RERE: variants seen among roughly 807,000 people sequenced by gnomAD.
RERE encodes arginine-glutamic acid dipeptide repeats, also known as arginine-glutamic acid dipeptide repeats protein.
Under a neutral mutation model 146.1 loss-of-function variants are expected in RERE, and 40 were observed. That is an observed-to-expected ratio of 0.27 (90% CI 0.21 to 0.36). RERE has a LOEUF of 0.36. Ranked by LOEUF, RERE falls within the 10% of genes least tolerant of loss-of-function variation. The pLI is 1.00. For synonymous variants in RERE, 1,003 were observed against 866.0 expected (o/e 1.16, Z -2.78); for missense variants, 1,933 against 2,138.7 (o/e 0.90, Z 1.90).
At position 8,736,189 on chromosome 1, in the gene RERE, G is replaced by GT. The variant is rs138882274; in HGVS notation, c.-144-79749dup. ...CAATTGTTCTGCATTTAAACCATCA[G>GT]TTTGTTTGTTTGTTTGTTTGTTTGT... is the stretch of plus-strand genomic sequence containing the variant. On this transcript the variant is annotated intron_variant, in intron 1 of 22. Coordinates refer to ENST00000400908, the MANE Select transcript of RERE (RefSeq NM_001042681.2). Among the ~76,000 whole-genome samples the GT allele has an allele frequency of 6.5e-3, 53 of 8,108 alleles. 1 individual carries two copies. Among genetic ancestry groups the GT allele is most frequent in the African/African-American group, 0.034 (21 of 624 alleles). 5.3% of individuals were successfully genotyped at this position (8,108 alleles called of 152,430 possible). A position where few individuals can be genotyped will look rare whatever the true frequency, so the allele number is the denominator to read the frequency against.
chr1:8,804,927 C>T (rs189569618), intron 1 of RERE, among the ~76,000 whole-genome samples: 203 of 151,878 alleles, frequency 1.3e-3, no homozygotes, highest in Non-Finnish European at 2.4e-3. Flanking sequence ...ATCTAACACA[C>T]GGCAAAATTA....
intron 12 of RERE, among the ~76,000 whole-genome samples, chr1:8,378,000 T>C (rs569933515): frequency 7.2e-5 from 11 of 152,232 alleles, no homozygotes; most frequent in Non-Finnish European, 1.6e-4. Context: ...ACTTCTCTTA[T>C]ATTTTATGGT....
chr1:8,525,419 G>A (rs1645558058), intron 7 of RERE, among the ~76,000 whole-genome samples: 2 of 152,192 alleles, frequency 1.3e-5, no homozygotes, highest in African/African-American at 4.8e-5. Context: ...CTGCAGGCTT[G>A]CTCTGCAGGT....
At chr1:8,409,971 A>ATTT (rs57424627) in intron 12 of RERE, among the ~76,000 whole-genome samples, 80 of 95,376 alleles carry the variant, frequency 8.4e-4, no homozygotes, top group Middle Eastern at 0.013. Flanking sequence ...CAATCAGGCA[A>ATTT]TTTTTTTTTT....
At chr1:8,404,081 G>A (rs867943587) in intron 12 of RERE, among the ~76,000 whole-genome samples, 1 of 151,784 alleles carries the variant, frequency 6.6e-6, no homozygotes, top group African/African-American at 2.4e-5. Flanking sequence ...CGCCCGCCTC[G>A]GCCTCCCAGT....
chr1:8,768,214 C>T (rs1370623262), intron 1 of RERE, among the ~76,000 whole-genome samples: 1 of 152,110 alleles, frequency 6.6e-6, no homozygotes, highest in Non-Finnish European at 1.5e-5. Flanking sequence ...TCTTGATTTT[C>T]AGCTATACCT....
chr1:8,600,459 A>T (rs1175181337), intron 4 of RERE, among the ~76,000 whole-genome samples: 1 of 152,266 alleles, frequency 6.6e-6, no homozygotes, highest in Admixed American at 6.5e-5. Flanking sequence ...TCTTAAGAGC[A>T]GATTGAAAAT....
In RERE at chr1:8,759,147, C is replaced by T. The variant is rs529897236; in HGVS notation, c.-145+58013G>A. On this transcript the variant is annotated intron_variant, in intron 1 of 22. Coordinates refer to ENST00000400908, the MANE Select transcript of RERE (RefSeq NM_001042681.2). Reference sequence around the variant, plus strand: ...AAAAATAAAAAGATACTGTGATTGTCAAAGAAAGGAAAGAGGTATTAAGTC... The same window carrying T: ...AAAAATAAAAAGATACTGTGATTGTTAAAGAAAGGAAAGAGGTATTAAGTC... Among the ~76,000 whole-genome samples, 14 of 152,078 alleles carry T rather than the reference C, an allele frequency of 9.2e-5. No homozygotes were observed. The South Asian group carries it at 2.9e-3, about 32-fold the overall frequency.
intron 1 of RERE, among the ~76,000 whole-genome samples, chr1:8,776,217 C>T (rs1166531301): frequency 6.6e-6 from 1 of 152,164 alleles, no homozygotes; most frequent in Non-Finnish European, 1.5e-5. Flanking sequence ...CTAAACTTTA[C>T]ATTTCCTTTC....
chr1:8,385,122 T>C (rs1014255255), intron 12 of RERE, among the ~76,000 whole-genome samples: 5 of 152,224 alleles, frequency 3.3e-5, no homozygotes, highest in Admixed American at 6.5e-5. Context: ...TATGCTGTTC[T>C]TTATGGGAAG....
At chr1:8,689,680 C>T (rs1477961883) in intron 1 of RERE, among the ~76,000 whole-genome samples, 5 of 151,676 alleles carry the variant, frequency 3.3e-5, no homozygotes, top group Middle Eastern at 3.2e-3. Flanking sequence ...ATCAAATCAC[C>T]ACAGGGACTA....
rs1017697199 is a variant in RERE, at chr1:8,455,089, C to T, written c.1203+10836G>A. Among the ~76,000 whole-genome samples, 39 of 152,130 alleles carry T rather than the reference C, an allele frequency of 2.6e-4. 1 individual carries two copies. The highest frequency in any genetic ancestry group is 9.2e-4 in the African/African-American group (38 of 41,410). ...GTAACTGTGCCTTCCCCAGAGAGCT[C>T]AGGTGCCAGGACGTCAGCAGCCCTC... On this transcript the variant is annotated intron_variant, in intron 11 of 22. Transcript: ENST00000400908.
chr1:8,763,733 G>A (rs546576636), intron 1 of RERE, among the ~76,000 whole-genome samples: 1 of 152,214 alleles, frequency 6.6e-6, no homozygotes, highest in South Asian at 2.1e-4. Flanking sequence ...GAGGTCAGGA[G>A]ATAGAGACCA....
chr1:8,477,426 A>G (rs557729254), intron 10 of RERE, among the ~76,000 whole-genome samples: 2 of 152,336 alleles, frequency 1.3e-5, no homozygotes, highest in South Asian at 4.1e-4. Context: ...TCTGGCCACA[A>G]GTGGAAATGG....
At chr1:8,406,264 G>T (rs774739301) in intron 12 of RERE, among the ~76,000 whole-genome samples, 2 of 151,840 alleles carry the variant, frequency 1.3e-5, no homozygotes, top group Non-Finnish European at 2.9e-5. Context: ...GTAGAGACAG[G>T]GTCTCACGAT....
At chr1:8,363,365 G>A (rs766911421) in intron 15 of RERE, among the ~76,000 whole-genome samples, 6 of 152,352 alleles carry the variant, frequency 3.9e-5, no homozygotes, top group Non-Finnish European at 8.8e-5. Flanking sequence ...AGCCATGAGG[G>A]CTCAGAAGAG....
At chr1:8,436,801 T>G (rs1644175883) in intron 11 of RERE, among the ~76,000 whole-genome samples, 1 of 152,244 alleles carries the variant, frequency 6.6e-6, no homozygotes, top group African/African-American at 2.4e-5. Context: ...TATTTTACAT[T>G]CTTTTTCTTC....
rs939136591 is a variant in RERE at position 8,638,893 on chromosome 1, C to T, written c.326-14513G>A. On this transcript the variant is annotated intron_variant, in intron 2 of 22. Transcript: ENST00000400908. The stretch of plus-strand genomic sequence containing the variant: ...TGTTCATGCCATTCTCTTGCCTCAG[C>T]CTTCTGAGTAGCTGGGACTACAGGC... Among the ~76,000 whole-genome samples the T allele has an allele frequency of 3.4e-5, 5 of 149,020 alleles. No individual in the cohort carries two copies. In the East Asian group the frequency reaches 1.0e-3, roughly 30 times the overall value.
At chr1:8,777,148 C>T (rs1054973830) in intron 1 of RERE, among the ~76,000 whole-genome samples, 1 of 152,156 alleles carries the variant, frequency 6.6e-6, no homozygotes, top group Non-Finnish European at 1.5e-5. Flanking sequence ...CTAAGTAGAA[C>T]ACGAAAGAAA....
Sources: gnomAD v4.1 joint callset for allele counts (sites outside exome capture counted in the v4.1 genomes callset) on GRCh38, gnomAD v4.1.1 for gene constraint, MANE v1.5 for transcripts, NCBI Gene and HGNC (gene_info 2026-07-23, HGNC 2026-07-21) for gene names.